Variants in ATP10B observed in about 807,000 individuals in gnomAD.
ATP10B encodes the protein phospholipid-transporting ATPase VB.
ATP10B carries 122 observed loss-of-function variants against 141.2 expected under a neutral mutation model. That is an observed-to-expected ratio of 0.86 (90% confidence interval 0.75 to 1.00). ATP10B has a LOEUF of 1.00. ATP10B is among the 50% of genes least tolerant of loss of function. The pLI, the probability that ATP10B is intolerant of heterozygous loss-of-function variation, is 0.00. For synonymous variants in ATP10B, 685 were observed against 692.0 expected (o/e 0.99, Z 0.16); for missense variants, 1,876 against 1,825.3 (o/e 1.03, Z -0.51).
intron 22 of ATP10B, among the ~76,000 whole-genome samples, chr5:160,594,301 G>A (rs1437132398): frequency 2.0e-5 from 3 of 152,176 alleles, no homozygotes; most frequent in Non-Finnish European, 4.4e-5. Flanking sequence ...CTTCATAAGT[G>A]AAGGAGAAAT....
chr5:160,663,698 G>A (rs1275063822), intron 7 of ATP10B, among the ~76,000 whole-genome samples: 2 of 151,774 alleles, frequency 1.3e-5, no homozygotes, highest in Non-Finnish European at 2.9e-5. Flanking sequence ...TAAATGACGA[G>A]TTAATGGGTG....
the ATP10B span, among the ~76,000 whole-genome samples, chr5:160,878,689 G>C: frequency 6.6e-6 from 1 of 152,116 alleles, no homozygotes; most frequent in African/African-American, 2.4e-5. Flanking sequence ...AAATTTACAA[G>C]AACAAAACAA....
the ATP10B span, among the ~76,000 whole-genome samples, chr5:160,890,340 C>T: frequency 6.6e-6 from 1 of 152,192 alleles, no homozygotes; most frequent in East Asian, 1.9e-4. Flanking sequence ...ATGTACAAAT[C>T]GTGGCATTTA....
At chr5:160,612,720 C>T in intron 18 of ATP10B, 21 bp downstream of exon 18, 1 of 1,602,458 alleles carries the variant, frequency 6.2e-7, no homozygotes. Context: ...CTGCAGATAT[C>T]AATACAGAGA....
chr5:160,921,200 A>G, the ATP10B span, among the ~76,000 whole-genome samples: 2 of 152,006 alleles, frequency 1.3e-5, no homozygotes, highest in Non-Finnish European at 2.9e-5. Flanking sequence ...GGATCCTTGC[A>G]TATACAACCA....
chr5:160,887,679 C>T, the ATP10B span, among the ~76,000 whole-genome samples: 1,916 of 152,300 alleles, frequency 0.013, 39 homozygotes, highest in African/African-American at 0.044. Context: ...CCTGACTATT[C>T]TTTGGATACA....
rs1170629163 is a variant in ATP10B, at chr5:160,704,914, C to CTTTTTTTTTTTTTTTTTTTTTTTTTTT, written c.-205+11994_-205+11995insAAAAAAAAAAAAAAAAAAAAAAAAAAA. Among the ~76,000 whole-genome samples, 271 of 83,632 alleles carry CTTTTTTTTTTTTTTTTTTTTTTTTTTT rather than the reference C, an allele frequency of 3.2e-3. 16 individuals are homozygous for CTTTTTTTTTTTTTTTTTTTTTTTTTTT. The highest frequency in any genetic ancestry group is 6.2e-3 in the African/African-American group (106 of 17,230). 54.9% of individuals were successfully genotyped at this position (83,632 alleles called of 152,430 possible). On this transcript the variant is annotated intron_variant, in intron 3 of 25. Coordinates refer to ENST00000327245, the MANE Select transcript of ATP10B (RefSeq NM_025153.3). Reference sequence around the variant, plus strand: ...TGCTAGCTTCCAACATTTCTTTCATCTTTTTTTTTTTTTTTTTTTTTGTTG... The same window carrying CTTTTTTTTTTTTTTTTTTTTTTTTTTT: ...TGCTAGCTTCCAACATTTCTTTCATCTTTTTTTTTTTTTTTTTTTTTTTTTTTTTTTTTTTTTTTTTTTTTTTTGTTG...
intron 2 of ATP10B, among the ~76,000 whole-genome samples, chr5:160,734,057 G>A (rs952443768): frequency 4.7e-5 from 6 of 127,716 alleles, no homozygotes; most frequent in Non-Finnish European, 7.8e-5. Flanking sequence ...GCAGTGAGCC[G>A]ATATCATGTC....
At chr5:160,736,802 G>A (rs1395159827) in intron 2 of ATP10B, among the ~76,000 whole-genome samples, 1 of 152,102 alleles carries the variant, frequency 6.6e-6, no homozygotes, top group Admixed American at 6.6e-5. Flanking sequence ...CCTGGGACCT[G>A]ATGGCTTCAC....
At chr5:160,756,252 C>G (rs192597114) in intron 2 of ATP10B, among the ~76,000 whole-genome samples, 168 of 151,900 alleles carry the variant, frequency 1.1e-3, no homozygotes, top group Non-Finnish European at 1.9e-3. Flanking sequence ...TCTTATTGTA[C>G]AGATATACCA....
intron 18 of ATP10B, among the ~76,000 whole-genome samples, chr5:160,609,381 AT>A (rs11341335): frequency 0.73 from 104,353 of 143,110 alleles, 37,769 homozygotes; most frequent in Middle Eastern, 0.83. Context: ...GCCATAACTT[AT>A]TTTTTTTTTT....
At chr5:160,593,153 T>C (rs977893293) in intron 22 of ATP10B, among the ~76,000 whole-genome samples, 1 of 152,226 alleles carries the variant, frequency 6.6e-6, no homozygotes, top group African/African-American at 2.4e-5. Flanking sequence ...GCAGCCTAAC[T>C]GGGAGGCACC....
chr5:160,652,887 A>ATATAATAT lies in ATP10B; in HGVS notation c.676-3632_676-3631insATATTATA, dbSNP rs1491211233. ...TATATAATATATATAATATATATATAATTATATAATATATTATATATACAT... is the reference window on the plus strand; with the variant it reads ...TATATAATATATATAATATATATATATATAATATATTATATAATATATTATATATACAT... On this transcript the variant is annotated intron_variant, in intron 7 of 25. Coordinates refer to ENST00000327245, the MANE Select transcript of ATP10B (RefSeq NM_025153.3). Among the ~76,000 whole-genome samples, 5 of 34,874 alleles carry ATATAATAT rather than the reference A, an allele frequency of 1.4e-4. 1 individual carries two copies. Among genetic ancestry groups the ATATAATAT allele is most frequent in the South Asian group, 6.2e-4 (1 of 1,602 alleles). 22.9% of individuals were successfully genotyped at this position (34,874 alleles called of 152,430 possible).
At chr5:160,794,672 T>C (rs1441077258) in intron 1 of ATP10B, among the ~76,000 whole-genome samples, 1 of 152,194 alleles carries the variant, frequency 6.6e-6, no homozygotes, top group African/African-American at 2.4e-5. Flanking sequence ...TTCTGACTAT[T>C]CTAAAAACAT....
At chr5:160,613,560 C>A (rs543901038) in intron 17 of ATP10B, among the ~76,000 whole-genome samples, 1 of 152,186 alleles carries the variant, frequency 6.6e-6, no homozygotes, top group Non-Finnish European at 1.5e-5. Context: ...AGATTCAGAA[C>A]TAAAAGCTAC....
the ATP10B span, among the ~76,000 whole-genome samples, chr5:160,890,632 G>A: frequency 2.0e-5 from 3 of 152,056 alleles, no homozygotes; most frequent in African/African-American, 7.2e-5. Context: ...TTTTATGGCC[G>A]AGCAACATTC....
intron 2 of ATP10B, among the ~76,000 whole-genome samples, chr5:160,761,731 A>C (rs1206343000): frequency 6.6e-6 from 1 of 152,330 alleles, no homozygotes; most frequent in African/African-American, 2.4e-5. Flanking sequence ...CCAAACCAAG[A>C]AGAAATCTCT....
At chr5:160,665,953 A>G (rs907108872) in intron 7 of ATP10B, among the ~76,000 whole-genome samples, 1 of 152,180 alleles carries the variant, frequency 6.6e-6, no homozygotes, top group East Asian at 1.9e-4. Context: ...CCATATTTGT[A>G]GGTGTTCAAA....
At chr5:160,625,974 A>G (rs904012064) in intron 13 of ATP10B, among the ~76,000 whole-genome samples, 1 of 152,244 alleles carries the variant, frequency 6.6e-6, no homozygotes, top group Non-Finnish European at 1.5e-5. Context: ...TGCAGGTGCC[A>G]GGAACAGATG....
Sources: allele counts gnomAD v4.1 joint callset (sites outside exome capture counted in the v4.1 genomes callset), GRCh38; gene constraint gnomAD v4.1.1; transcripts MANE v1.5; gene names NCBI Gene and HGNC (gene_info 2026-07-23, HGNC 2026-07-21).